ELOB: variants seen among roughly 807,000 people sequenced by gnomAD.
ELOB encodes the protein elongin-B.
A neutral mutation model predicts 12.9 loss-of-function variants in ELOB; 3 were observed. The ratio of observed to expected loss-of-function variants is 0.23; its 90% CI spans 0.11 to 0.60. The LOEUF is 0.60. Ranked by LOEUF, ELOB falls within the 20% of genes least tolerant of loss-of-function variation. ELOB has a pLI of 0.89. For synonymous variants in ELOB, 84 were observed against 67.4 expected (o/e 1.25, Z -1.21); for missense variants, 126 against 159.2 (o/e 0.79, Z 1.12).
chr16:2,772,559 AATTAGC>A, intron 3 of ELOB: 1 of 151,322 alleles, frequency 6.6e-6, no homozygotes, highest in East Asian at 1.9e-4. Flanking sequence ...AAAAAAAAAA[AATTAGC>A]CGGGCATGGT....
Position 2,771,485 on chromosome 16 carries a change from CGTGGGTGGACCTGT to C in ELOB, c.*491_*504del, listed in dbSNP as rs2068746598. 6.2e-7 allele frequency: 1 copy of C among 1,614,058 alleles called. No individual in the cohort carries two copies. Among genetic ancestry groups the C allele is most frequent in the African/African-American group, 1.3e-5 (1 of 74,912 alleles). On this transcript the variant is annotated 3_prime_UTR_variant, in exon 4 of 4. Transcript: ENST00000409906. ...TTCCCTCCGTGATTACAGCCCCCAG[CGTGGGTGGACCTGT>C]GTGGGTCCGTCTTGGGGTTCCCTCG...
Position 2,772,121 on chromosome 16 carries a change from A to G in ELOB, c.245-19T>C. The G allele has an allele frequency of 6.3e-7, 1 of 1,582,924 alleles. No homozygotes were observed. The highest frequency in any genetic ancestry group is 8.6e-7 in the Non-Finnish European group (1 of 1,162,688). The stretch of plus-strand genomic sequence containing the variant: ...GTGTCATCTGTGGAGGAAGCAGCAG[A>G]GCTGCAGGGGGGTATTCCAGCTCTT... On this transcript the variant is annotated intron_variant, in intron 3 of 3. Transcript: ENST00000409906.
rs114353713 is a variant in ELOB, at chr16:2,772,957, T to A, written c.245-855A>T. Among the ~76,000 whole-genome samples the A allele has an allele frequency of 5.4e-3, 818 of 152,200 alleles. 10 individuals are homozygous for A. The highest frequency in any genetic ancestry group is 0.019 in the African/African-American group (791 of 41,526). ...CTTTCAGGGTCCAACTCAGGTCACC[T>A]CCTCAGATGAACCTCCAGTCCACGC... On this transcript the variant is annotated intron_variant, in intron 3 of 3. Transcript: ENST00000409906.
At chr16:2,776,007 C>A (rs183042670) in intron 2 of ELOB, among the ~76,000 whole-genome samples, 1 of 152,324 alleles carries the variant, frequency 6.6e-6, no homozygotes, top group East Asian at 1.9e-4. Context: ...TCTCCTGCCT[C>A]AGCCTTCAGA....
intron 3 of ELOB, 28 bp downstream of exon 3, chr16:2,775,423 C>G (rs763038802): frequency 2.1e-5 from 32 of 1,550,354 alleles, no homozygotes; most frequent in African/African-American, 2.7e-5. Flanking sequence ...TGGCTACCAC[C>G]CAGCCCAGTG....
chr16:2,776,842 C>A lies in ELOB; in HGVS notation c.138+151G>T. On this transcript the variant is annotated intron_variant, in intron 2 of 3. Coordinates refer to ENST00000409906, the MANE Select transcript of ELOB (RefSeq NM_007108.4). ...AGATCCCCGCGGCGAGCGCAGCTCG[C>A]GCTTCACCCGCACAACGGATGTCCC... 5.2e-6 allele frequency: 6 copies of A among 1,152,558 alleles called. No individual in the cohort carries two copies. In the South Asian group the frequency reaches 8.4e-5, roughly 16 times the overall value. 71.4% of individuals were successfully genotyped at this position (1,152,558 alleles called of 1,614,324 possible).
At chr16:2,775,783 C>T (rs2068796322) in intron 2 of ELOB, among the ~76,000 whole-genome samples, 1 of 152,228 alleles carries the variant, frequency 6.6e-6, no homozygotes. Flanking sequence ...TATCCAAATT[C>T]TCCAGGCAAA....
At chr16:2,776,850 C>A (rs2068804037) in intron 2 of ELOB, 143 bp downstream of exon 2, 2 of 1,201,738 alleles carry the variant, frequency 1.7e-6, no homozygotes, top group Admixed American at 6.3e-5. Flanking sequence ...CGCGCTTCAC[C>A]CGCACAACGG....
rs1478717435 is a variant in ELOB, at chr16:2,775,520, C to T, written c.175G>A (p.Glu59Lys). 4 of 1,609,456 alleles carry T rather than the reference C, an allele frequency of 2.5e-6. No homozygotes were observed. The highest frequency in any genetic ancestry group is 2.2e-5 in the East Asian group (1 of 44,844). ...QLLDDGKTLGECGFTSQTARP... is the reference protein window; with the variant it reads ...QLLDDGKTLGKCGFTSQTARP... ...GCTGTTTGACTGGTGAAGCCACACT[C>T]GCCCAGTGTCTTGCCATCATCCAAG... Residue 59 changes from glutamate to lysine, a missense_variant, in exon 3 of 4, where the codon GAG becomes AAG. By Grantham distance (56) the Glu-to-Lys change is moderately conservative. Transcript: ENST00000409906.
rs7192849 is a variant in ELOB at position 2,771,956 on chromosome 16, C to T, written c.*34G>A. 157 of 1,587,346 alleles carry T rather than the reference C, an allele frequency of 9.9e-5. 1 individual carries two copies. The African/African-American group carries it at 2.1e-3, about 21-fold the overall frequency. ...AGCAACCAGGCAGACTCCCAAATCT[C>T]TTTTATTGGGGGAAATGGGCCTCTT... is the stretch of plus-strand genomic sequence containing the variant. On this transcript the variant is annotated 3_prime_UTR_variant, in exon 4 of 4. Coordinates refer to ENST00000409906, the MANE Select transcript of ELOB (RefSeq NM_007108.4).
At chr16:2,777,165 C>G (rs766827848) in intron 1 of ELOB, 38 bp from the exon 2 acceptor site, 130 of 1,240,098 alleles carry the variant, frequency 1.0e-4, no homozygotes, top group Non-Finnish European at 1.3e-4. Flanking sequence ...GAAGCCCGGG[C>G]CCCCCGCGCG....
chr16:2,772,845 C>G (rs1325384502), intron 3 of ELOB, among the ~76,000 whole-genome samples: 1 of 53,164 alleles, frequency 1.9e-5, no homozygotes. Context: ...GAGGCTCTGG[C>G]TCTCTATGTT....
At position 2,771,795 on chromosome 16, in the gene ELOB, C is replaced by T. The variant is rs1169950136; in HGVS notation, c.*195G>A. 1.4e-6 allele frequency: 2 copies of T among 1,454,874 alleles called. No individual in the cohort carries two copies. Among genetic ancestry groups the T allele is most frequent in the African/African-American group, 1.4e-5 (1 of 70,238 alleles). The allele number at this position is 1,454,874 out of a possible 1,614,324, so 90.1% of individuals were successfully genotyped here. ...CCCAGGTCCCCATGGTGCCTTTAAG[C>T]AGCAGGCTGGGCCAAGTTCTCAGCC... On this transcript the variant is annotated 3_prime_UTR_variant, in exon 4 of 4. Coordinates refer to ENST00000409906, the MANE Select transcript of ELOB (RefSeq NM_007108.4).
chr16:2,775,379 A>T, intron 3 of ELOB, 72 bp downstream of exon 3: 1 of 1,143,324 alleles, frequency 8.7e-7, no homozygotes, highest in Non-Finnish European at 1.2e-6. Context: ...AGGCTCCCTG[A>T]TGACCTTCTT....
intron 3 of ELOB, among the ~76,000 whole-genome samples, chr16:2,773,868 AAC>A (rs1168950470): frequency 3.3e-5 from 5 of 152,196 alleles, no homozygotes; most frequent in Non-Finnish European, 5.9e-5. Flanking sequence ...CTTCTGGGGG[AAC>A]ACAGCCCAGC....
At position 2,771,921 on chromosome 16, in the gene ELOB, A is replaced by G. The variant is rs2068758744; in HGVS notation, c.*69T>C. On this transcript the variant is annotated 3_prime_UTR_variant, in exon 4 of 4. Transcript: ENST00000409906. ...GGGACCCATCCCAGGGAGGGGCGGG[A>G]AAAAGAGGCAGCAACCAGGCAGACT... 9 of 1,545,106 alleles carry G rather than the reference A, an allele frequency of 5.8e-6. No individual in the cohort carries two copies. The highest frequency in any genetic ancestry group is 2.8e-5 in the African/African-American group (2 of 72,690).
At position 2,777,274 on chromosome 16, in the gene ELOB, C is replaced by T; in HGVS notation, c.-35G>A. The T allele has an allele frequency of 9.9e-7, 1 of 1,014,814 alleles. No individual in the cohort carries two copies. Among genetic ancestry groups the T allele is most frequent in the Non-Finnish European group, 1.2e-6 (1 of 850,634 alleles). 62.9% of individuals were successfully genotyped at this position (1,014,814 alleles called of 1,614,324 possible). On this transcript the variant is annotated 5_prime_UTR_variant, in exon 1 of 4. Transcript: ENST00000409906. ...TGCCTCTCCCCTCGACGCGCCGGCG[C>T]AGCCGCGCTCCGCCCCGTTCCCGGC...
At chr16:2,772,138 C>A (rs770285139) in intron 3 of ELOB, 36 bp from the exon 4 acceptor site, 1 of 1,542,148 alleles carries the variant, frequency 6.5e-7, no homozygotes, top group Non-Finnish European at 8.7e-7. Context: ...GGGGGGTATT[C>A]CAGCTCTTGC....
chr16:2,773,587 G>C (rs939354558), intron 3 of ELOB, among the ~76,000 whole-genome samples: 1 of 152,202 alleles, frequency 6.6e-6, no homozygotes, highest in African/African-American at 2.4e-5. Context: ...GCTGCACCCA[G>C]AAGTGTGTTT....
Sources: allele counts gnomAD v4.1 joint callset (sites outside exome capture counted in the v4.1 genomes callset), GRCh38; gene constraint gnomAD v4.1.1; transcripts MANE v1.5; gene names NCBI Gene and HGNC (gene_info 2026-07-23, HGNC 2026-07-21).